The following SSB variants were observed in gnomAD, a reference collection of about 807,000 sequenced individuals.
SSB encodes lupus La protein.
SSB carries 17 observed loss-of-function variants against 52.9 expected under a neutral mutation model. That is an observed-to-expected ratio of 0.32 (90% CI 0.22 to 0.48). The LOEUF is 0.48. Among genes scored for constraint, SSB ranks in the 20% least tolerant of loss-of-function variants. SSB has a pLI of 0.99. For missense variants in SSB, 314 were observed against 463.6 expected (o/e 0.68, Z 2.96); for synonymous variants, 111 against 152.1 (o/e 0.73, Z 1.99).
intron 7 of SSB, 118 bp from the exon 8 acceptor site, chr2:169,808,742 C>T (rs1430058089): frequency 9.5e-7 from 1 of 1,057,410 alleles, no homozygotes; most frequent in Non-Finnish European, 1.4e-6. Flanking sequence ...TCAAAAAAAC[C>T]TAAGGACTTC....
rs1005279357 is a variant in SSB, at chr2:169,808,477, T to C, written c.555-5T>C. 10 of 1,612,986 alleles carry C rather than the reference T, an allele frequency of 6.2e-6. No individual in the cohort carries two copies. Among genetic ancestry groups the C allele is most frequent in the Admixed American group, 1.7e-5 (1 of 60,018 alleles). On this transcript the variant is annotated splice_polypyrimidine_tract_variant and splice_region_variant and intron_variant, in intron 6 of 11. Coordinates refer to ENST00000260956, the MANE Select transcript of SSB (RefSeq NM_003142.5). ...AACTTAGCCTCTGTACTGTGTGTTC[T>C]TTAGGGACGATTACTTTGCCAAAAA...
chr2:169,804,208 C>T (rs1466680035), intron 2 of SSB, among the ~76,000 whole-genome samples: 3 of 137,828 alleles, frequency 2.2e-5, no homozygotes, highest in Admixed American at 7.2e-5. Context: ...GAGAGTTCCT[C>T]TATGCTTAAA....
At chr2:169,808,575 C>T (rs746881009) in intron 7 of SSB, 22 bp downstream of exon 7, 117 of 1,579,872 alleles carry the variant, frequency 7.4e-5, no homozygotes, top group Non-Finnish European at 9.4e-5. Context: ...GAACTAATCA[C>T]GACATAATTT....
In SSB at chr2:169,798,990, G is replaced by C. The variant is rs1207047661; in HGVS notation, c.-10+14G>C. The C allele has an allele frequency of 1.3e-5, 2 of 152,134 alleles. No individual in the cohort carries two copies. Among genetic ancestry groups the C allele is most frequent in the Non-Finnish European group, 2.9e-5 (2 of 68,040 alleles). 9.4% of individuals were successfully genotyped at this position (152,134 alleles called of 1,614,324 possible). On this transcript the variant is annotated intron_variant, in intron 1 of 11. Transcript: ENST00000260956. ...GGAACCTTAAAGGTGAGTAACTCTC[G>C]GTGGCTAATGAGAAGCTACAAAAGG... is the stretch of plus-strand genomic sequence containing the variant.
At chr2:169,800,757 T>G (rs1311501064) in intron 1 of SSB, among the ~76,000 whole-genome samples, 195 bp from the exon 2 acceptor site, 1 of 152,182 alleles carries the variant, frequency 6.6e-6, no homozygotes, top group East Asian at 1.9e-4. Flanking sequence ...TTATAGTTTT[T>G]AGATTTTTTC....
chr2:169,800,302 G>T (rs1383985490), intron 1 of SSB, among the ~76,000 whole-genome samples: 1 of 152,062 alleles, frequency 6.6e-6, no homozygotes, highest in African/African-American at 2.4e-5. Flanking sequence ...AGGCCGAGGC[G>T]GGTGGATCGC....
chr2:169,806,916 A>G (rs373415341), intron 5 of SSB, 24 bp downstream of exon 5: 6 of 1,607,402 alleles, frequency 3.7e-6, no homozygotes, highest in Admixed American at 1.7e-5. Flanking sequence ...GACTTTTTCT[A>G]GTTTTAAAAT....
chr2:169,806,005 C>A, intron 4 of SSB, 166 bp downstream of exon 4: 1 of 775,896 alleles, frequency 1.3e-6, no homozygotes, highest in Non-Finnish European at 2.1e-6. Context: ...CAGTCTCATC[C>A]TGTTGCTCAC....
chr2:169,799,207 C>A (rs1689650640), intron 1 of SSB: 1 of 149,112 alleles, frequency 6.7e-6, no homozygotes, highest in African/African-American at 2.4e-5. Context: ...GTTCCCCGCA[C>A]GTGGCTGGTG....
chr2:169,805,271 C>T (rs1380826971), intron 2 of SSB, among the ~76,000 whole-genome samples: 1 of 152,176 alleles, frequency 6.6e-6, no homozygotes, highest in Non-Finnish European at 1.5e-5. Context: ...AGTCTATTGA[C>T]ACATCTGTTA....
intron 6 of SSB, among the ~76,000 whole-genome samples, chr2:169,807,289 T>TC (rs1689849158): frequency 6.6e-6 from 1 of 152,124 alleles, no homozygotes; most frequent in Non-Finnish European, 1.5e-5. Context: ...AATTTTTTTT[T>TC]CTTTTTCTTT....
At chr2:169,811,463 G>A (rs990221494) in intron 11 of SSB, 140 bp downstream of exon 11, 10 of 1,288,692 alleles carry the variant, frequency 7.8e-6, no homozygotes, top group African/African-American at 3.0e-5. Context: ...GATTTACCTC[G>A]GTTATGCTGT....
chr2:169,811,570 C>A (rs1689957087), intron 11 of SSB, 98 bp from the exon 12 acceptor site: 3 of 1,484,276 alleles, frequency 2.0e-6, no homozygotes, highest in East Asian at 4.7e-5. Flanking sequence ...GAAGTTGTTG[C>A]ATCTTTTTCA....
intron 6 of SSB, 34 bp from the exon 7 acceptor site, chr2:169,808,448 C>T (rs776598973): frequency 1.5e-5 from 24 of 1,559,286 alleles, no homozygotes; most frequent in Non-Finnish European, 1.9e-5. Context: ...ACTTTGTTCT[C>T]GTGAACTTAG....
intron 6 of SSB, among the ~76,000 whole-genome samples, chr2:169,808,265 A>G (rs544544596): frequency 6.6e-6 from 1 of 152,302 alleles, no homozygotes; most frequent in South Asian, 2.1e-4. Context: ...AAAAGAGTGA[A>G]TTTTGTGGCA....
chr2:169,808,718 C>A, intron 7 of SSB, 142 bp from the exon 8 acceptor site: 2 of 975,830 alleles, frequency 2.0e-6, no homozygotes, highest in Non-Finnish European at 3.1e-6. Context: ...GCATTGCAGT[C>A]TAGCATTGGA....
Position 169,810,943 on chromosome 2 carries a change from A to G in SSB, c.896A>G (p.Lys299Arg). 2 of 1,613,750 alleles carry G rather than the reference A, an allele frequency of 1.2e-6. No individual in the cohort carries two copies. Among genetic ancestry groups the G allele is most frequent in the Non-Finnish European group, 1.7e-6 (2 of 1,179,772 alleles). ...ANNGNLQLRN[K>R]EVTWEVLEGE... ...AATGGTAACCTACAATTAAGGAACA[A>G]AGAAGTGACTTGGGAAGTACTAGAA... Residue 299 changes from lysine to arginine, a missense_variant, in exon 10 of 12, where the codon AAA becomes AGA. Physicochemically the swap from Lys to Arg is conservative, Grantham distance 26 (BLOSUM62 2). Coordinates refer to ENST00000260956, the MANE Select transcript of SSB (RefSeq NM_003142.5).
intron 4 of SSB, 89 bp downstream of exon 4, chr2:169,805,928 C>T (rs948308542): frequency 8.3e-7 from 1 of 1,202,378 alleles, no homozygotes; most frequent in African/African-American, 1.5e-5. Flanking sequence ...CACAGCCTCA[C>T]TAATTACTGT....
chr2:169,808,393 T>C (rs1689871632), intron 6 of SSB, 89 bp from the exon 7 acceptor site: 2 of 1,012,238 alleles, frequency 2.0e-6, no homozygotes, highest in Admixed American at 4.3e-5. Context: ...GCAACATTCA[T>C]TGCTGTGCCA....
Sources: allele counts gnomAD v4.1 joint callset (sites outside exome capture counted in the v4.1 genomes callset), GRCh38; gene constraint gnomAD v4.1.1; transcripts MANE v1.5; gene names NCBI Gene and HGNC (gene_info 2026-07-23, HGNC 2026-07-21).